Variants in ADAM23 observed in about 807,000 individuals in gnomAD.
ADAM23 encodes disintegrin and metalloproteinase domain-containing protein 23.
ADAM23 carries 33 observed loss-of-function variants against 120.1 expected under a neutral mutation model. The ratio of observed to expected loss-of-function variants is 0.27; its 90% CI spans 0.21 to 0.37. The LOEUF is 0.37. Ranked by LOEUF, ADAM23 falls within the 10% of genes least tolerant of loss-of-function variation. The pLI, the probability that ADAM23 is intolerant of heterozygous loss-of-function variation, is 1.00. For synonymous variants in ADAM23, 367 were observed against 375.2 expected (o/e 0.98, Z 0.25); for missense variants, 862 against 1,058.2 (o/e 0.81, Z 2.57).
intron 24 of ADAM23, among the ~76,000 whole-genome samples, chr2:206,609,589 A>T (rs553802743): frequency 1.3e-5 from 2 of 152,156 alleles, no homozygotes; most frequent in African/African-American, 4.8e-5. Context: ...TATTTGATAC[A>T]TGATACTGGG....
intron 21 of ADAM23, among the ~76,000 whole-genome samples, chr2:206,590,814 A>C (rs541642304): frequency 1.3e-5 from 2 of 152,346 alleles, no homozygotes; most frequent in Admixed American, 6.5e-5. Flanking sequence ...GGGGAGCCTG[A>C]AGTAGTCAAA....
chr2:206,471,338 T>G (rs1163435099), intron 2 of ADAM23, among the ~76,000 whole-genome samples: 1 of 152,222 alleles, frequency 6.6e-6, no homozygotes, highest in Non-Finnish European at 1.5e-5. Context: ...TCATAAAGAC[T>G]CAAGTTAAAG....
intron 4 of ADAM23, among the ~76,000 whole-genome samples, chr2:206,532,069 G>C (rs890489435): frequency 6.6e-6 from 1 of 152,114 alleles, no homozygotes; most frequent in Non-Finnish European, 1.5e-5. Flanking sequence ...GGTTGCATTT[G>C]GGGGTTGTTG....
At chr2:206,584,883 G>T (rs2105843100) in intron 18 of ADAM23, among the ~76,000 whole-genome samples, 1 of 152,324 alleles carries the variant, frequency 6.6e-6, no homozygotes, top group South Asian at 2.1e-4. Context: ...GGAATGGGCT[G>T]CTCGGGGACC....
rs949580827 is a variant in ADAM23 at position 206,507,664 on chromosome 2, C to T, written c.510-23221C>T. Among the ~76,000 whole-genome samples, 6 of 152,252 alleles carry T rather than the reference C, an allele frequency of 3.9e-5. No homozygotes were observed. In the East Asian group the frequency reaches 9.7e-4, roughly 25 times the overall value. ...GGATTTATTGTATGGCTTTTTCCTGCGTGCTTCATTTAAAAATGTACTTTT... is the reference window on the plus strand; with the variant it reads ...GGATTTATTGTATGGCTTTTTCCTGTGTGCTTCATTTAAAAATGTACTTTT... On this transcript the variant is annotated intron_variant, in intron 3 of 25. Transcript: ENST00000264377.
At chr2:206,539,134 A>G (rs1439588020) in intron 4 of ADAM23, among the ~76,000 whole-genome samples, 1 of 152,208 alleles carries the variant, frequency 6.6e-6, no homozygotes, top group Non-Finnish European at 1.5e-5. Flanking sequence ...TTATTATTTG[A>G]GCATGATATG....
chr2:206,549,703 A>AT (rs2105813198), intron 8 of ADAM23, among the ~76,000 whole-genome samples: 1 of 152,076 alleles, frequency 6.6e-6, no homozygotes, highest in African/African-American at 2.4e-5. Flanking sequence ...TTTTACATAG[A>AT]TTTTCATTGA....
chr2:206,470,433 T>C (rs1192402085), intron 2 of ADAM23, among the ~76,000 whole-genome samples: 1 of 152,134 alleles, frequency 6.6e-6, no homozygotes, highest in Non-Finnish European at 1.5e-5. Context: ...GTTTTAAAAA[T>C]TGTGCAAATA....
At chr2:206,562,143 A>G in intron 12 of ADAM23, 60 bp from the exon 13 acceptor site, 1 of 1,404,902 alleles carries the variant, frequency 7.1e-7, no homozygotes, top group Non-Finnish European at 1.0e-6. Context: ...TTAAGAAATA[A>G]TAACTAGCTT....
At chr2:206,492,810 A>G (rs1472198139) in intron 3 of ADAM23, among the ~76,000 whole-genome samples, 1 of 152,130 alleles carries the variant, frequency 6.6e-6, no homozygotes, top group African/African-American at 2.4e-5. Context: ...AAATTTCCAC[A>G]TGAATTTTGG....
At chr2:206,610,182 C>G (rs941058686) in intron 25 of ADAM23, among the ~76,000 whole-genome samples, 182 bp downstream of exon 25, 1 of 152,126 alleles carries the variant, frequency 6.6e-6, no homozygotes, top group African/African-American at 2.4e-5. Flanking sequence ...CTGTCATTTT[C>G]AGGCAAGTGG....
rs894315073 is a variant in ADAM23, at chr2:206,620,863, C to T, written c.*3236C>T. 5.9e-5 allele frequency: 9 copies of T among 152,136 alleles called. No homozygotes were observed. Among genetic ancestry groups the T allele is most frequent in the African/African-American group, 2.2e-4 (9 of 41,428 alleles). 9.4% of individuals were successfully genotyped at this position (152,136 alleles called of 1,614,324 possible). ...TATGCAAAGATGGGAAATGCACAAACTTTTCAAAGACTAGTGTCTGAAGAA... is the reference window on the plus strand; with the variant it reads ...TATGCAAAGATGGGAAATGCACAAATTTTTCAAAGACTAGTGTCTGAAGAA... On this transcript the variant is annotated 3_prime_UTR_variant, in exon 26 of 26. Coordinates refer to ENST00000264377, the MANE Select transcript of ADAM23 (RefSeq NM_003812.4).
chr2:206,536,713 CTTTTT>C (rs892456877), intron 4 of ADAM23, among the ~76,000 whole-genome samples: 7 of 149,676 alleles, frequency 4.7e-5, no homozygotes, highest in African/African-American at 1.7e-4. Context: ...ATATACACAA[CTTTTT>C]TTTTTGAGAC....
chr2:206,457,227 A>G (rs1197496359), intron 2 of ADAM23, among the ~76,000 whole-genome samples: 8 of 152,218 alleles, frequency 5.3e-5, no homozygotes, highest in African/African-American at 1.9e-4. Context: ...TCATATCTAT[A>G]ATCTCACATG....
chr2:206,561,717 A>T (rs1697771791), intron 12 of ADAM23, among the ~76,000 whole-genome samples: 1 of 152,194 alleles, frequency 6.6e-6, no homozygotes, highest in Admixed American at 6.5e-5. Flanking sequence ...AGTTTTATAA[A>T]GGAAATTCTT....
At chr2:206,592,289 C>T (rs2105849139) in intron 21 of ADAM23, among the ~76,000 whole-genome samples, 1 of 152,298 alleles carries the variant, frequency 6.6e-6, no homozygotes, top group Non-Finnish European at 1.5e-5. Flanking sequence ...CACATCTTCA[C>T]AGCCCAGGGG....
At chr2:206,471,017 G>C (rs944515768) in intron 2 of ADAM23, among the ~76,000 whole-genome samples, 2 of 152,166 alleles carry the variant, frequency 1.3e-5, no homozygotes, top group East Asian at 3.9e-4. Context: ...GGAAATATCA[G>C]CTCTGGTATA....
rs2105852385 is a variant in ADAM23 at position 206,596,158 on chromosome 2, C to G, written c.2355C>G (p.Pro785=). The G allele has an allele frequency of 6.2e-7, 1 of 1,613,024 alleles. No homozygotes were observed. Among genetic ancestry groups the G allele is most frequent in the Non-Finnish European group, 8.5e-7 (1 of 1,179,322 alleles). The change falls in exon 24 of 26, where the codon CCC becomes CCG. Residue 785 remains proline (P), a synonymous_variant. Coordinates refer to ENST00000264377, the MANE Select transcript of ADAM23 (RefSeq NM_003812.4). ...RNLHPPKDEG[P]KGPSATNLII... ...TTCACCCCCCCAAGGATGAAGGACC[C>G]AAGGGTTTGTGTGATTTTGGTTTCA...
intron 6 of ADAM23, among the ~76,000 whole-genome samples, chr2:206,547,009 C>T (rs1414324696): frequency 6.6e-6 from 1 of 151,978 alleles, no homozygotes; most frequent in Non-Finnish European, 1.5e-5. Context: ...TGCTTTTGGC[C>T]TTACAATGGT....
Sources: gnomAD v4.1 joint callset for allele counts (sites outside exome capture counted in the v4.1 genomes callset) on GRCh38, gnomAD v4.1.1 for gene constraint, MANE v1.5 for transcripts, NCBI Gene and HGNC (gene_info 2026-07-23, HGNC 2026-07-21) for gene names.